The following PDE4D variants were observed in gnomAD, a reference collection of about 807,000 sequenced individuals.
PDE4D encodes phosphodiesterase 4D, also known as 3',5'-cyclic-AMP phosphodiesterase 4D.
In PDE4D, 24 loss-of-function variants were observed where a neutral mutation model predicts 87.4. The observed-to-expected ratio is 0.27, with a 90% CI of 0.20 to 0.39. The LOEUF is 0.39. PDE4D is among the 10% of genes least tolerant of loss of function. PDE4D has a pLI of 1.00. For synonymous variants in PDE4D, 384 were observed against 383.2 expected (o/e 1.00, Z -0.02); for missense variants, 714 against 1,041.0 (o/e 0.69, Z 4.32).
chr5:60,469,308 A>C (rs1747639909), intron 1 of PDE4D, among the ~76,000 whole-genome samples: 1 of 151,398 alleles, frequency 6.6e-6, no homozygotes, highest in Non-Finnish European at 1.5e-5. Context: ...TCTGTCTCCT[A>C]CCTCTCTGAC....
chr5:59,380,016 T>C (rs1405533367), intron 1 of PDE4D, among the ~76,000 whole-genome samples: 1 of 152,120 alleles, frequency 6.6e-6, no homozygotes, highest in African/African-American at 2.4e-5. Context: ...CCTCAGTGTC[T>C]ACTGTTACCA....
At chr5:60,257,407 C>A (rs1045487292) in intron 1 of PDE4D, among the ~76,000 whole-genome samples, 1 of 151,698 alleles carries the variant, frequency 6.6e-6, no homozygotes, top group Non-Finnish European at 1.5e-5. Context: ...TTTGTGGCAG[C>A]GGCGATATCT....
At chr5:59,981,568 T>C (rs561463427) in intron 3 of PDE4D, among the ~76,000 whole-genome samples, 1 of 152,332 alleles carries the variant, frequency 6.6e-6, no homozygotes, top group South Asian at 2.1e-4. Context: ...TGTTTCACAA[T>C]CATGATTATG....
chr5:59,085,330 G>C (rs979815719), intron 5 of PDE4D, among the ~76,000 whole-genome samples: 1 of 152,004 alleles, frequency 6.6e-6, no homozygotes, highest in Non-Finnish European at 1.5e-5. Context: ...TAATCTCATT[G>C]TTGTTAGTAA....
intron 1 of PDE4D, among the ~76,000 whole-genome samples, chr5:60,513,472 C>A (rs1476824845): frequency 6.6e-6 from 1 of 151,998 alleles, no homozygotes; most frequent in African/African-American, 2.4e-5. Context: ...AACTGATAAT[C>A]CCACAAATCA....
chr5:60,023,261 C>A (rs1766269937), intron 2 of PDE4D, among the ~76,000 whole-genome samples: 1 of 152,130 alleles, frequency 6.6e-6, no homozygotes, highest in Admixed American at 6.6e-5. Flanking sequence ...TAGCATTCAG[C>A]CCTCCTTAAA....
intron 2 of PDE4D, among the ~76,000 whole-genome samples, chr5:60,089,664 T>G (rs1774905928): frequency 6.6e-6 from 1 of 150,860 alleles, no homozygotes; most frequent in African/African-American, 2.4e-5. Flanking sequence ...AAACTCAAAA[T>G]TAGTAGAAGG....
chr5:59,939,642 AG>A (rs1200304617), intron 3 of PDE4D, among the ~76,000 whole-genome samples: 1 of 152,134 alleles, frequency 6.6e-6, no homozygotes, highest in African/African-American at 2.4e-5. Context: ...AATTAGGTAA[AG>A]TCTGGCAGGG....
rs1751253808 is a variant in PDE4D, at chr5:59,893,358, C to CGGGCGGCGGCGG, written c.253_264dup (p.Pro85_Pro88dup). On this transcript the variant is annotated inframe_insertion, in exon 1 of 15. Coordinates refer to ENST00000340635, the MANE Select transcript of PDE4D (RefSeq NM_001104631.2). ...GAGGCGTAGCGGCCGCGGGCAGCCC[C>CGGGCGGCGGCGG]GGGCGGCGGCGGGGGCGGCGGCAGG... 1 of 1,254,508 alleles carries CGGGCGGCGGCGG rather than the reference C, an allele frequency of 8.0e-7. No homozygotes were observed. Among genetic ancestry groups the CGGGCGGCGGCGG allele is most frequent in the Non-Finnish European group, 1.0e-6 (1 of 1,000,636 alleles). 77.7% of individuals were successfully genotyped at this position (1,254,508 alleles called of 1,614,324 possible).
Position 60,146,424 on chromosome 5 carries a change from A to T in PDE4D, c.42+39133T>A, listed in dbSNP as rs115937789. Among the ~76,000 whole-genome samples, 954 of 152,314 alleles carry T rather than the reference A, an allele frequency of 6.3e-3. 8 individuals carry two copies. Among genetic ancestry groups the T allele is most frequent in the African/African-American group, 0.022 (909 of 41,554 alleles). On this transcript the variant is annotated intron_variant, in intron 2 of 16. Transcript: ENST00000502484. Reference sequence around the variant, plus strand: ...ATTGGAATTTAGTGTCCAAGATCAGACCAAGCTATTTACGCAAACATAATA... The same window carrying T: ...ATTGGAATTTAGTGTCCAAGATCAGTCCAAGCTATTTACGCAAACATAATA...
chr5:59,363,009 G>A (rs1782471783), intron 1 of PDE4D, among the ~76,000 whole-genome samples: 1 of 152,054 alleles, frequency 6.6e-6, no homozygotes, highest in African/African-American at 2.4e-5. Context: ...TTCCTTACTT[G>A]GACACTTCCT....
At chr5:59,708,823 G>A (rs191289507) in intron 1 of PDE4D, among the ~76,000 whole-genome samples, 1 of 151,302 alleles carries the variant, frequency 6.6e-6, no homozygotes, top group African/African-American at 2.4e-5. Context: ...ATTAATGAAC[G>A]TTCCACTTCT....
At chr5:59,424,853 T>TA (rs1248321745) in intron 1 of PDE4D, among the ~76,000 whole-genome samples, 1 of 152,084 alleles carries the variant, frequency 6.6e-6, no homozygotes, top group Non-Finnish European at 1.5e-5. Flanking sequence ...GTCCATGCAT[T>TA]TAGGCAAGAG....
rs114083488 is a variant in PDE4D, at chr5:60,244,016, C to A, written c.-89-58329G>T. ...ATTAGAAAGGAAGGAGTCAAATTAC[C>A]CTTGTTTGCAGATGATATGATCTCA... On this transcript the variant is annotated intron_variant, in intron 1 of 16. Coordinates refer to the PDE4D transcript ENST00000502484. 1.1e-3 allele frequency among the ~76,000 whole-genome samples: 166 copies of A among 151,848 alleles called. 1 individual carries two copies. The highest frequency in any genetic ancestry group is 3.9e-3 in the African/African-American group (162 of 41,482).
chr5:59,705,026 C>T (rs1753180989), intron 1 of PDE4D, among the ~76,000 whole-genome samples: 1 of 152,190 alleles, frequency 6.6e-6, no homozygotes, highest in Admixed American at 6.6e-5. Flanking sequence ...TACAAGACAA[C>T]TATCAGGGAT....
intron 1 of PDE4D, among the ~76,000 whole-genome samples, chr5:59,661,041 G>A (rs1226671876): frequency 6.8e-6 from 1 of 146,104 alleles, no homozygotes; most frequent in Non-Finnish European, 1.5e-5. Context: ...AATCCCAGGA[G>A]CAGTTTGCCA....
chr5:60,443,487 G>A (rs1229384884), intron 1 of PDE4D, among the ~76,000 whole-genome samples: 2 of 152,150 alleles, frequency 1.3e-5, no homozygotes, highest in Non-Finnish European at 2.9e-5. Flanking sequence ...CTTAAATGAG[G>A]AGGTTCTTTT....
chr5:59,172,699 C>A (rs958134773), intron 5 of PDE4D: 4 of 151,094 alleles, frequency 2.6e-5, no homozygotes, highest in Non-Finnish European at 4.4e-5. Flanking sequence ...CAGAGTGAGG[C>A]CCTATTTCTA....
At chr5:59,613,779 AT>A (rs1385755967) in intron 1 of PDE4D, among the ~76,000 whole-genome samples, 1 of 152,154 alleles carries the variant, frequency 6.6e-6, no homozygotes, top group Non-Finnish European at 1.5e-5. Context: ...TAATTTGCAT[AT>A]TTTGGAGAAT....
Sources: gnomAD v4.1 joint callset for allele counts (sites outside exome capture counted in the v4.1 genomes callset) on GRCh38, gnomAD v4.1.1 for gene constraint, MANE v1.5 for transcripts, NCBI Gene and HGNC (gene_info 2026-07-23, HGNC 2026-07-21) for gene names.